Variants in RAP1GAP2 observed in about 807,000 individuals in gnomAD.
The protein encoded by RAP1GAP2 is RAP1 GTPase activating protein 2, also known as rap1 GTPase-activating protein 2.
A neutral mutation model predicts 95.0 loss-of-function variants in RAP1GAP2; 27 were observed. That is an observed-to-expected ratio of 0.28 (90% CI 0.21 to 0.39). The LOEUF (loss-of-function observed/expected upper bound fraction) is 0.39. RAP1GAP2 is among the 10% of genes least tolerant of loss of function. The probability of loss-of-function intolerance (pLI) is 1.00; values close to 1 mark genes in which losing one functional copy is unlikely to be tolerated. For synonymous variants in RAP1GAP2, 373 were observed against 380.9 expected, an observed-to-expected ratio of 0.98 and a Z score of 0.24; for missense variants, 771 against 970.0, an observed-to-expected ratio of 0.79 and a Z score of 2.72.
chr17:3,017,575 A>G (rs1027841866), intron 17 of RAP1GAP2, among the ~76,000 whole-genome samples: 1 of 152,194 alleles, frequency 6.6e-6, no homozygotes, highest in Non-Finnish European at 1.5e-5. Flanking sequence ...AGTTTTCTGG[A>G]AAAGAGTCAA....
At chr17:2,832,847 T>A (rs2070949565) in intron 2 of RAP1GAP2, among the ~76,000 whole-genome samples, 1 of 150,608 alleles carries the variant, frequency 6.6e-6, no homozygotes, top group African/African-American at 2.4e-5. Context: ...GTGGTGGCAC[T>A]TGCGTGTAGT....
In RAP1GAP2 at chr17:2,777,975, T is replaced by G. The variant is rs865796282; in HGVS notation, c.-14+697T>G. 8.3e-3 allele frequency among the ~76,000 whole-genome samples: 522 copies of G among 63,088 alleles called. 12 individuals are homozygous for G. Among genetic ancestry groups the G allele is most frequent in the South Asian group, 0.026 (35 of 1,352 alleles). 41.4% of individuals were successfully genotyped at this position (63,088 alleles called of 152,430 possible). A position where few individuals can be genotyped will look rare whatever the true frequency, so the allele number is the denominator to read the frequency against. Reference sequence around the variant, plus strand: ...CTGGGAGGCTGGGAGGCGGGGAGGCTGGGAGGCTGGGAGGCGGGGAGGCTG... The same window carrying G: ...CTGGGAGGCTGGGAGGCGGGGAGGCGGGGAGGCTGGGAGGCGGGGAGGCTG... On this transcript the variant is annotated intron_variant, in intron 1 of 24. Coordinates refer to the RAP1GAP2 transcript ENST00000540393.
At chr17:2,875,741 C>T (rs954375222) in intron 2 of RAP1GAP2, among the ~76,000 whole-genome samples, 3 of 152,042 alleles carry the variant, frequency 2.0e-5, no homozygotes, top group Admixed American at 6.6e-5. Flanking sequence ...TCATCCTCCT[C>T]CTCTGCTGGC....
chr17:2,816,147 G>C (rs548483695), intron 2 of RAP1GAP2, among the ~76,000 whole-genome samples: 1 of 152,196 alleles, frequency 6.6e-6, no homozygotes, highest in East Asian at 1.9e-4. Context: ...GGAAGAGCTG[G>C]AAGAGGCCCG....
rs1190982792 is a variant in RAP1GAP2 at position 2,991,394 on chromosome 17, A to G, written c.911A>G (p.Lys304Arg). The change falls in exon 12 of 25, where the codon AAA becomes AGA. Residue 304 changes from lysine to arginine, a missense_variant. Physicochemically the swap from Lys to Arg is conservative, Grantham distance 26. Transcript: ENST00000254695. ...LGDTITLQDF[K>R]GFRGGLDVTH... ...GACACGATCACACTGCAGGATTTCA[A>G]AGGGTGGGTTTTAGCCAAGTGACGG... is the stretch of plus-strand genomic sequence containing the variant. 1.3e-6 allele frequency: 2 copies of G among 1,597,092 alleles called. No individual in the cohort carries two copies. The highest frequency in any genetic ancestry group is 8.5e-7 in the Non-Finnish European group (1 of 1,171,508).
chr17:2,863,023 T>TAAAAAAAAAAAAAA (rs2072470363), intron 2 of RAP1GAP2, among the ~76,000 whole-genome samples: 1 of 109,242 alleles, frequency 9.2e-6, no homozygotes, highest in African/African-American at 3.6e-5. Context: ...AAAAAAAAAG[T>TAAAAAAAAAAAAAA]AAAGTCAGGC....
chr17:2,808,476 C>T (rs1213342279), intron 2 of RAP1GAP2, among the ~76,000 whole-genome samples: 4 of 152,198 alleles, frequency 2.6e-5, no homozygotes, highest in African/African-American at 9.6e-5. Flanking sequence ...CACCATATAC[C>T]TCCTGCCCTG....
rs1336787400 is a variant in RAP1GAP2 at position 2,904,858 on chromosome 17, T to C, written c.81-426T>C. Among the ~76,000 whole-genome samples, 1 of 151,964 alleles carries C rather than the reference T, an allele frequency of 6.6e-6. No individual in the cohort carries two copies. Among genetic ancestry groups the C allele is most frequent in the East Asian group, 1.9e-4 (1 of 5,176 alleles). On this transcript the variant is annotated intron_variant, in intron 2 of 24. Transcript: ENST00000254695. This position sits in a 1 kb window ranked among gnomAD's most constrained non-coding sequence, Gnocchi z 4.7. ...TGGTGCATTGGAGTAAAGAAAATGC[T>C]CCCAATTCTGGTTTCTGCATTGTAT...
rs1418766919 is a variant in RAP1GAP2, at chr17:2,904,336, G to A, written c.81-948G>A. ...GATGGGACCGCACACAGCACTCCCCGGTCACCAGCGAGGGCCAGATGGAAA... is the reference window on the plus strand; with the variant it reads ...GATGGGACCGCACACAGCACTCCCCAGTCACCAGCGAGGGCCAGATGGAAA... On this transcript the variant is annotated intron_variant, in intron 2 of 24. Transcript: ENST00000254695. The surrounding 1 kb of genome is among the most constrained non-coding windows in gnomAD (Gnocchi z 4.7). Among the ~76,000 whole-genome samples the A allele has an allele frequency of 6.6e-6, 1 of 152,126 alleles. No individual in the cohort carries two copies. The highest frequency in any genetic ancestry group is 1.9e-4 in the East Asian group (1 of 5,178).
At chr17:2,973,415 C>G (rs1470167115) in intron 8 of RAP1GAP2, among the ~76,000 whole-genome samples, 1 of 152,140 alleles carries the variant, frequency 6.6e-6, no homozygotes, top group Non-Finnish European at 1.5e-5. Context: ...ACACAGGAGG[C>G]TGAGGCAGGA....
chr17:2,875,777 C>G (rs562994813), intron 2 of RAP1GAP2, among the ~76,000 whole-genome samples: 26 of 152,084 alleles, frequency 1.7e-4, no homozygotes, highest in Non-Finnish European at 3.2e-4. Flanking sequence ...GTGCCTGGGC[C>G]CCTTCCTCTT....
intron 8 of RAP1GAP2, among the ~76,000 whole-genome samples, chr17:2,977,174 G>T (rs907885993): frequency 1.3e-5 from 2 of 151,112 alleles, no homozygotes; most frequent in Middle Eastern, 3.5e-3. Flanking sequence ...TAGTATTACA[G>T]CAGTAAAGGT....
intron 17 of RAP1GAP2, among the ~76,000 whole-genome samples, chr17:3,013,065 C>T (rs1025921938): frequency 6.6e-6 from 1 of 152,188 alleles, no homozygotes; most frequent in Non-Finnish European, 1.5e-5. Flanking sequence ...CTGTGATGGA[C>T]CCGGGACCGT....
intron 4 of RAP1GAP2, among the ~76,000 whole-genome samples, chr17:2,958,401 C>T (rs964998955): frequency 2.0e-5 from 3 of 152,012 alleles, no homozygotes; most frequent in African/African-American, 7.3e-5. Flanking sequence ...TCAGGGCTCC[C>T]AGGTAAGAGC....
intron 2 of RAP1GAP2, among the ~76,000 whole-genome samples, chr17:2,808,516 C>T (rs543874946): frequency 2.6e-5 from 4 of 152,310 alleles, no homozygotes; most frequent in Non-Finnish European, 5.9e-5. Context: ...GAGCAGCATC[C>T]TGAGGGCCGT....
chr17:2,902,439 A>G lies in RAP1GAP2; in HGVS notation c.81-2845A>G, dbSNP rs2042056470. 6.6e-6 allele frequency among the ~76,000 whole-genome samples: 1 copy of G among 151,758 alleles called. No homozygotes were observed. Among genetic ancestry groups the G allele is most frequent in the African/African-American group, 2.4e-5 (1 of 41,276 alleles). ...GCCACGTTGAACAGGCTGGTTTGGAACTCCTGACCTCAAGTGATCCACCCC... is the reference window on the plus strand; with the variant it reads ...GCCACGTTGAACAGGCTGGTTTGGAGCTCCTGACCTCAAGTGATCCACCCC... On this transcript the variant is annotated intron_variant, in intron 2 of 24. Coordinates refer to ENST00000254695, the MANE Select transcript of RAP1GAP2 (RefSeq NM_015085.5). This position sits in a 1 kb window ranked among gnomAD's most constrained non-coding sequence, Gnocchi z 4.1.
chr17:2,858,245 G>A lies in RAP1GAP2; in HGVS notation c.81-47039G>A, dbSNP rs551562983. ...GTTATTTTGAGACAGCTCCCATCAT[G>A]GAGTTTATGAGGAGGAAGATATGGA... On this transcript the variant is annotated intron_variant, in intron 2 of 24. Transcript: ENST00000254695. 6.6e-5 allele frequency among the ~76,000 whole-genome samples: 10 copies of A among 152,270 alleles called. No individual in the cohort carries two copies. In the East Asian group the frequency reaches 1.9e-3, roughly 29 times the overall value.
At chr17:2,835,888 G>A (rs944948971) in intron 2 of RAP1GAP2, among the ~76,000 whole-genome samples, 15 of 152,212 alleles carry the variant, frequency 9.9e-5, no homozygotes, top group African/African-American at 3.1e-4. Context: ...TGTGCTGACA[G>A]TGAAGAGGAA....
At chr17:2,805,264 C>A (rs556311630) in intron 2 of RAP1GAP2, among the ~76,000 whole-genome samples, 4 of 152,136 alleles carry the variant, frequency 2.6e-5, no homozygotes, top group South Asian at 2.1e-4. Context: ...AGGTCCCTGT[C>A]GGGCAGGTGC....
Sources: gnomAD v4.1 joint callset for allele counts (sites outside exome capture counted in the v4.1 genomes callset) on GRCh38, gnomAD v4.1.1 for gene constraint, Gnocchi (gnomAD v3.1) non-coding constraint, MANE v1.5 for transcripts, NCBI Gene and HGNC (gene_info 2026-07-23, HGNC 2026-07-21) for gene names.